The following MOCS1 variants were observed in gnomAD, a reference collection of about 807,000 sequenced individuals.
MOCS1 encodes molybdenum cofactor synthesis 1, also known as molybdenum cofactor biosynthesis protein 1.
Under a neutral mutation model 57.6 loss-of-function variants are expected in MOCS1, and 39 were observed. That is an observed-to-expected ratio of 0.68 (90% confidence interval 0.52 to 0.88). MOCS1 has a LOEUF of 0.88. Among genes scored for constraint, MOCS1 ranks in the 40% least tolerant of loss-of-function variants. MOCS1 has a pLI of 0.00. For synonymous variants in MOCS1, 334 were observed against 335.7 expected (o/e 1.00, Z 0.05); for missense variants, 795 against 831.1 (o/e 0.96, Z 0.53).
chr6:39,925,879 GAA>G lies in MOCS1; in HGVS notation c.251-36_251-35del, dbSNP rs1406747555. On this transcript the variant is annotated intron_variant, in intron 2 of 10. Transcript: ENST00000340692. ...AGGATGAATGGGAATGTGGAGGGAGGAAAGAGGCACGGCCACAGCCCCGTGAT... is the reference window on the plus strand; with the variant it reads ...AGGATGAATGGGAATGTGGAGGGAGGAGAGGCACGGCCACAGCCCCGTGAT... 4 of 1,592,902 alleles carry G rather than the reference GAA, an allele frequency of 2.5e-6. No homozygotes were observed. In the East Asian group the frequency reaches 9.0e-5, roughly 36 times the overall value.
Position 39,916,215 on chromosome 6 carries a change from C to G in MOCS1, c.436G>C (p.Glu146Gln). The G allele has an allele frequency of 8.1e-6, 13 of 1,613,890 alleles. No homozygotes were observed. Among genetic ancestry groups the G allele is most frequent in the Non-Finnish European group, 1.1e-5 (13 of 1,180,020 alleles). Residue 146 changes from glutamate to glutamine, a missense_variant, in exon 4 of 11, where the codon GAA becomes CAA. Around this residue, in one of 3 missense-constraint regions of MOCS1, gnomAD observed 416 missense variants for 392.4 expected, o/e 1.06. Transcript: ENST00000340692. The part of the protein sequence containing the change: ...VDIVAQLQRL[E>Q]GLRTIGVTTN... ...GTAACACCTATGGTTCTCAGCCCTT[C>G]CAGCCGCTGGAGCTGGGCTGTAAGG...
chr6:39,912,828 C>G, intron 7 of MOCS1, 64 bp downstream of exon 7: 1 of 1,267,094 alleles, frequency 7.9e-7, no homozygotes, highest in Non-Finnish European at 1.2e-6. Context: ...CCTGCTAGCT[C>G]TCCATCCTAG....
In MOCS1 at chr6:39,904,376, CTGAG is replaced by C. The variant is rs954578830; in HGVS notation, c.*1977_*1980del. ...CCTTGGACCATGGACTCATACTCAA[CTGAG>C]TAAGAAGGGGCTGGTGCCCAGTCGG... On this transcript the variant is annotated 3_prime_UTR_variant, in exon 11 of 11. Transcript: ENST00000340692. 1.5e-5 allele frequency: 7 copies of C among 456,476 alleles called. No homozygotes were observed. The highest frequency in any genetic ancestry group is 1.4e-4 in the Admixed American group (6 of 42,562). 28.3% of individuals were successfully genotyped at this position (456,476 alleles called of 1,614,324 possible).
At position 39,905,751 on chromosome 6, in the gene MOCS1, G is replaced by T; in HGVS notation, c.*606C>A. ...CAGAGGAAAAGGGGCCAGCAGGACC[G>T]GGCAACTGTTAAGCTGAAAGGCTGC... On this transcript the variant is annotated 3_prime_UTR_variant, in exon 11 of 11. Transcript: ENST00000340692. The T allele has an allele frequency of 2.1e-6, 1 of 471,188 alleles. No individual in the cohort carries two copies. The highest frequency in any genetic ancestry group is 4.4e-6 in the Non-Finnish European group (1 of 227,070). 29.2% of individuals were successfully genotyped at this position (471,188 alleles called of 1,614,324 possible). A position where few individuals can be genotyped will look rare whatever the true frequency, so the allele number is the denominator to read the frequency against.
At chr6:39,919,288 C>A (rs1767832700) in intron 3 of MOCS1, among the ~76,000 whole-genome samples, 1 of 152,098 alleles carries the variant, frequency 6.6e-6, no homozygotes, top group Non-Finnish European at 1.5e-5. Flanking sequence ...AGTTCAAGAC[C>A]AGCCTGCCCA....
intron 3 of MOCS1, 128 bp from the exon 4 acceptor site, chr6:39,916,360 T>A: frequency 3.8e-6 from 4 of 1,053,144 alleles, no homozygotes; most frequent in Non-Finnish European, 5.4e-6. Flanking sequence ...AGACCTATAT[T>A]AACCAGGCCT....
intron 3 of MOCS1, among the ~76,000 whole-genome samples, chr6:39,918,669 A>G (rs952275641): frequency 1.3e-5 from 2 of 152,192 alleles, no homozygotes; most frequent in Non-Finnish European, 2.9e-5. Context: ...GGTGTAGGGA[A>G]ATGCACGCAC....
At position 39,913,433 on chromosome 6, in the gene MOCS1, C is replaced by G; in HGVS notation, c.646-5G>C. The stretch of plus-strand genomic sequence containing the variant: ...TCGCATCACCACACAGTTCACCTGG[C>G]CGGGGAACAATGGGACCATGAGGGC... On this transcript the variant is annotated splice_region_variant and splice_polypyrimidine_tract_variant and intron_variant, in intron 5 of 10. Transcript: ENST00000340692. 2 of 1,613,360 alleles carry G rather than the reference C, an allele frequency of 1.2e-6. No homozygotes were observed. Among genetic ancestry groups the G allele is most frequent in the Non-Finnish European group, 1.7e-6 (2 of 1,179,300 alleles).
chr6:39,909,112 G>A lies in MOCS1; in HGVS notation c.1103-10C>T, dbSNP rs1767137236. ...GAAATACTGAACATGCCTGGGGTGA[G>A]GGAAAGATGGGGAGGGAGAGGAAAG... is the stretch of plus-strand genomic sequence containing the variant. On this transcript the variant is annotated splice_polypyrimidine_tract_variant and intron_variant, in intron 9 of 10. Coordinates refer to ENST00000340692, the MANE Select transcript of MOCS1 (RefSeq NM_001358530.2). 1 of 1,603,360 alleles carries A rather than the reference G, an allele frequency of 6.2e-7. No individual in the cohort carries two copies. Among genetic ancestry groups the A allele is most frequent in the Non-Finnish European group, 8.5e-7 (1 of 1,173,962 alleles).
At position 39,906,091 on chromosome 6, in the gene MOCS1, T is replaced by TATGAGAAGGAAAAGTTCTGGGC. The variant is rs199953923; in HGVS notation, c.*265_*266insGCCCAGAACTTTTCCTTCTCAT. On this transcript the variant is annotated 3_prime_UTR_variant, in exon 11 of 11. Coordinates refer to ENST00000340692, the MANE Select transcript of MOCS1 (RefSeq NM_001358530.2). ...TGATTTCTCAGTTATCTGGCATTGC[T>TATGAGAAGGAAAAGTTCTGGGC]TGTTGCAGTCCCGCTCCCACGACCT... The TATGAGAAGGAAAAGTTCTGGGC allele has an allele frequency of 7.5e-6, 5 of 666,512 alleles. No homozygotes were observed. The highest frequency in any genetic ancestry group is 3.5e-5 in the African/African-American group (2 of 56,422). 41.3% of individuals were successfully genotyped at this position (666,512 alleles called of 1,614,324 possible).
chr6:39,929,809 G>A (rs1034731273), intron 1 of MOCS1, among the ~76,000 whole-genome samples: 1 of 151,890 alleles, frequency 6.6e-6, no homozygotes, highest in Non-Finnish European at 1.5e-5. Flanking sequence ...GGCTGTGGTG[G>A]CGCGAGTCTG....
At position 39,905,881 on chromosome 6, in the gene MOCS1, G is replaced by A. The variant is rs1182664651; in HGVS notation, c.*476C>T. On this transcript the variant is annotated 3_prime_UTR_variant, in exon 11 of 11. Coordinates refer to ENST00000340692, the MANE Select transcript of MOCS1 (RefSeq NM_001358530.2). Reference sequence around the variant, plus strand: ...CAGACTTAGGGAGGCAGAGCTGCCGGGGAGAAGTTGGGATCCATTCTTCAG... The same window carrying A: ...CAGACTTAGGGAGGCAGAGCTGCCGAGGAGAAGTTGGGATCCATTCTTCAG... 2 of 469,682 alleles carry A rather than the reference G, an allele frequency of 4.3e-6. No homozygotes were observed. Among genetic ancestry groups the A allele is most frequent in the African/African-American group, 4.0e-5 (2 of 50,082 alleles). 29.1% of individuals were successfully genotyped at this position (469,682 alleles called of 1,614,324 possible).
In MOCS1 at chr6:39,906,842, G is replaced by A. The variant is rs764163325; in HGVS notation, c.1426C>T (p.Gln476Ter). The change falls in exon 11 of 11, where the codon CAG becomes TAG. Residue 476 changes from glutamine (Q) to a stop codon, truncating the protein, a stop_gained. Transcript: ENST00000340692. LOFTEE classifies it high-confidence loss of function. ...TGAGTTAGTTGTTCTGAGGTTAGCT[G>A]GGGTCCTGAGGGGGCAGCAGAAGCC... The part of the protein sequence containing the change: ...SWASAAPSGP[Q>*]LTSEQLTHVD... 6.2e-7 allele frequency: 1 copy of A among 1,614,180 alleles called. No homozygotes were observed. Among genetic ancestry groups the A allele is most frequent in the South Asian group, 1.1e-5 (1 of 91,072 alleles).
At chr6:39,929,657 G>C (rs534322161) in intron 1 of MOCS1, among the ~76,000 whole-genome samples, 1 of 152,010 alleles carries the variant, frequency 6.6e-6, no homozygotes, top group East Asian at 1.9e-4. Context: ...AATGGAATTA[G>C]GGGCCGGGTG....
intron 1 of MOCS1, among the ~76,000 whole-genome samples, chr6:39,928,988 T>A (rs1768495405): frequency 6.6e-6 from 1 of 152,168 alleles, no homozygotes; most frequent in African/African-American, 2.4e-5. Context: ...TAAATCTGGA[T>A]CTCTGAATCT....
intron 3 of MOCS1, among the ~76,000 whole-genome samples, chr6:39,916,825 T>C (rs1320987036): frequency 1.3e-5 from 2 of 152,134 alleles, no homozygotes; most frequent in African/African-American, 4.8e-5. Context: ...AGAAAGCAGA[T>C]GGAACCGACC....
chr6:39,913,563 A>G, intron 5 of MOCS1, 135 bp from the exon 6 acceptor site: 1 of 964,618 alleles, frequency 1.0e-6, no homozygotes, highest in East Asian at 2.6e-5. Context: ...CAGTTCTCTA[A>G]GTTACGGGAT....
chr6:39,927,547 A>G, intron 1 of MOCS1, 92 bp from the exon 2 acceptor site: 1 of 1,611,254 alleles, frequency 6.2e-7, no homozygotes. Context: ...CCTTACTCTG[A>G]CATCTGTGCG....
intron 6 of MOCS1, 31 bp from the exon 7 acceptor site, chr6:39,913,035 G>T: frequency 6.3e-7 from 1 of 1,593,020 alleles, no homozygotes; most frequent in East Asian, 2.2e-5. Context: ...GGCAAGGGGA[G>T]CTTCTGAATC....
Sources: gnomAD v4.1 joint callset for allele counts (sites outside exome capture counted in the v4.1 genomes callset) on GRCh38, gnomAD v4.1.1 for gene constraint, gnomAD v4.1.1 regional missense constraint, MANE v1.5 for transcripts, NCBI Gene and HGNC (gene_info 2026-07-23, HGNC 2026-07-21) for gene names.